The following ENTPD7 variants were observed in gnomAD, a reference collection of about 807,000 sequenced individuals.
The protein encoded by ENTPD7 is ectonucleoside triphosphate diphosphohydrolase 7, also known as NTPDase 7.
Under a neutral mutation model 77.9 loss-of-function variants are expected in ENTPD7, and 53 were observed. That is an observed-to-expected ratio of 0.68 (90% CI 0.55 to 0.85). The LOEUF is 0.85. ENTPD7 is among the 40% of genes least tolerant of loss of function. The pLI is 0.00. For synonymous variants in ENTPD7, 248 were observed against 274.9 expected (o/e 0.90, Z 0.97); for missense variants, 636 against 743.7 (o/e 0.86, Z 1.68).
At chr10:99,698,497 G>GTGTT (rs369470330) in intron 9 of ENTPD7, 37 bp from the exon 10 acceptor site, 112,854 of 1,562,710 alleles carry the variant, frequency 0.072, 4,070 homozygotes, top group Admixed American at 0.11. Context: ...CAGGCATGAC[G>GTGTT]TGTTTGTTTG....
In ENTPD7 at chr10:99,659,977, A is replaced by G. The variant is rs1421400282; in HGVS notation, c.8+13A>G. On this transcript the variant is annotated intron_variant, in intron 2 of 12. Coordinates refer to ENST00000370489, the MANE Select transcript of ENTPD7 (RefSeq NM_020354.5). This position sits in a 1 kb window ranked among gnomAD's most constrained non-coding sequence, Gnocchi z 4.1. ...AACCCATGGCTAGGTAAGGCTGCAC[A>G]CTTTCCCTCCGGCTGGGAGCACGGC... 2 of 1,613,834 alleles carry G rather than the reference A, an allele frequency of 1.2e-6. No individual in the cohort carries two copies. Among genetic ancestry groups the G allele is most frequent in the Non-Finnish European group, 8.5e-7 (1 of 1,179,936 alleles).
At chr10:99,690,506 C>T (rs1006815980) in intron 7 of ENTPD7, among the ~76,000 whole-genome samples, 1 of 151,732 alleles carries the variant, frequency 6.6e-6, no homozygotes. Context: ...AAGATATTGA[C>T]ATAAACATTT....
chr10:99,659,793 C>T lies in ENTPD7; in HGVS notation c.-95-69C>T. 1.1e-6 allele frequency: 1 copy of T among 898,326 alleles called. No individual in the cohort carries two copies. The highest frequency in any genetic ancestry group is 1.7e-6 in the Non-Finnish European group (1 of 589,052). 55.6% of individuals were successfully genotyped at this position (898,326 alleles called of 1,614,324 possible). A position where few individuals can be genotyped will look rare whatever the true frequency, so the allele number is the denominator to read the frequency against. ...GGGAGCCTGGGGAGGAGGTGGGAGC[C>T]GTGGAATTCCCGTGCAGGTTTGTCT... On this transcript the variant is annotated intron_variant, in intron 1 of 12. Transcript: ENST00000370489. This position sits in a 1 kb window ranked among gnomAD's most constrained non-coding sequence, Gnocchi z 4.1.
At chr10:99,669,990 C>T (rs2035601261) in intron 3 of ENTPD7, among the ~76,000 whole-genome samples, 1 of 151,966 alleles carries the variant, frequency 6.6e-6, no homozygotes, top group African/African-American at 2.4e-5. Context: ...ACCTCATGAT[C>T]CACCCGCCTC....
intron 5 of ENTPD7, among the ~76,000 whole-genome samples, chr10:99,680,248 C>G (rs1244139650): frequency 6.6e-6 from 1 of 152,188 alleles, no homozygotes; most frequent in Non-Finnish European, 1.5e-5. Flanking sequence ...AGAACCCTGG[C>G]AATAACTGGG....
intron 3 of ENTPD7, among the ~76,000 whole-genome samples, chr10:99,672,845 A>G (rs1409174734): frequency 1.3e-5 from 2 of 152,192 alleles, no homozygotes; most frequent in African/African-American, 4.8e-5. Flanking sequence ...CCCCATACTC[A>G]TGGGGGCTAC....
chr10:99,701,104 A>T, intron 11 of ENTPD7, 46 bp downstream of exon 11: 1 of 1,422,752 alleles, frequency 7.0e-7, no homozygotes, highest in Non-Finnish European at 9.9e-7. Context: ...TAAAATCTAG[A>T]TGGCAGATTA....
intron 2 of ENTPD7, chr10:99,660,534 A>G (rs200367050): frequency 0.08 from 18,724 of 232,628 alleles, 606 homozygotes; most frequent in Non-Finnish European, 0.098. Context: ...ACGCACACAC[A>G]CACACACACA....
intron 3 of ENTPD7, among the ~76,000 whole-genome samples, chr10:99,669,538 T>C (rs941716364): frequency 1.3e-5 from 2 of 151,958 alleles, no homozygotes; most frequent in Admixed American, 1.3e-4. Flanking sequence ...ATTTATTTGA[T>C]ACAAAAAAAG....
chr10:99,686,036 T>C, intron 6 of ENTPD7, 141 bp downstream of exon 6: 1 of 563,788 alleles, frequency 1.8e-6, no homozygotes, highest in Non-Finnish European at 3.1e-6. Flanking sequence ...ACATAGTTGA[T>C]TTGATTATTT....
chr10:99,690,221 G>A (rs764312841), intron 7 of ENTPD7, among the ~76,000 whole-genome samples: 31 of 152,086 alleles, frequency 2.0e-4, no homozygotes, highest in Non-Finnish European at 3.2e-4. Context: ...CCTGGCATTG[G>A]CCTGTTTTTA....
In ENTPD7 at chr10:99,708,275, T is replaced by C. The variant is rs548739978; in HGVS notation, c.*3592T>C. On this transcript the variant is annotated 3_prime_UTR_variant, in exon 13 of 13. Coordinates refer to ENST00000370489, the MANE Select transcript of ENTPD7 (RefSeq NM_020354.5). ...TAGTGTTTTTAGGCATTAACATTTATTATCACATCCATATTTATATTTTTG... is the reference window on the plus strand; with the variant it reads ...TAGTGTTTTTAGGCATTAACATTTACTATCACATCCATATTTATATTTTTG... Among the ~76,000 whole-genome samples the C allele has an allele frequency of 6.6e-6, 1 of 152,352 alleles. No individual in the cohort carries two copies. The highest frequency in any genetic ancestry group is 2.1e-4 in the South Asian group (1 of 4,830).
chr10:99,705,784 C>T lies in ENTPD7; in HGVS notation c.*1101C>T, dbSNP rs903453225. ...GGAATAGATCAATCTGTTAATAAGC[C>T]ATCTGGCAACTTTCAGAACCTCTAT... is the stretch of plus-strand genomic sequence containing the variant. On this transcript the variant is annotated 3_prime_UTR_variant, in exon 13 of 13. Transcript: ENST00000370489. 5 of 152,172 alleles carry T rather than the reference C, an allele frequency of 3.3e-5. No individual in the cohort carries two copies. Among genetic ancestry groups the T allele is most frequent in the African/African-American group, 4.8e-5 (2 of 41,436 alleles). The allele number at this position is 152,172 out of a possible 1,614,324, so 9.4% of individuals were successfully genotyped here. A position where few individuals can be genotyped will look rare whatever the true frequency, so the allele number is the denominator to read the frequency against.
chr10:99,684,971 A>C (rs2035794255), intron 5 of ENTPD7, among the ~76,000 whole-genome samples: 1 of 152,148 alleles, frequency 6.6e-6, no homozygotes. Flanking sequence ...TAAAAAGTTA[A>C]TTGTGGCTGG....
chr10:99,696,260 A>G (rs2035975914), intron 9 of ENTPD7, 138 bp downstream of exon 9: 2 of 1,014,708 alleles, frequency 2.0e-6, no homozygotes, highest in Admixed American at 5.5e-5. Flanking sequence ...ATGGGGTAGC[A>G]TCTCTTAAAG....
chr10:99,674,405 C>T (rs2035655419), intron 3 of ENTPD7, among the ~76,000 whole-genome samples: 2 of 152,160 alleles, frequency 1.3e-5, no homozygotes. Context: ...TGACACAGAT[C>T]TCCAGAATTT....
At position 99,710,914 on chromosome 10, in the gene ENTPD7, G is replaced by A; in HGVS notation, c.*6231G>A. Reference sequence around the variant, plus strand: ...ATTTCCTTCATGTTTTAAAAACAATGGACGTAAGTGCAGAGAGACCTTTGA... The same window carrying A: ...ATTTCCTTCATGTTTTAAAAACAATAGACGTAAGTGCAGAGAGACCTTTGA... On this transcript the variant is annotated 3_prime_UTR_variant, in exon 13 of 13. Transcript: ENST00000370489. The A allele has an allele frequency of 1.0e-6, 1 of 985,248 alleles. No individual in the cohort carries two copies. The highest frequency in any genetic ancestry group is 1.2e-6 in the Non-Finnish European group (1 of 829,786). The allele number at this position is 985,248 out of a possible 1,614,324, so 61.0% of individuals were successfully genotyped here.
At chr10:99,686,068 G>C (rs2035807682) in intron 6 of ENTPD7, among the ~76,000 whole-genome samples, 173 bp downstream of exon 6, 1 of 151,980 alleles carries the variant, frequency 6.6e-6, no homozygotes, top group African/African-American at 2.4e-5. Flanking sequence ...ATTGGCATCT[G>C]TTTAGAATGC....
intron 5 of ENTPD7, among the ~76,000 whole-genome samples, chr10:99,683,538 C>T (rs2035778251): frequency 6.6e-6 from 1 of 152,152 alleles, no homozygotes; most frequent in African/African-American, 2.4e-5. Flanking sequence ...AGTAAATCCC[C>T]ATTTACCCAC....
Sources: allele counts gnomAD v4.1 joint callset (sites outside exome capture counted in the v4.1 genomes callset), GRCh38; gene constraint gnomAD v4.1.1; non-coding constraint Gnocchi (gnomAD v3.1); transcripts MANE v1.5; gene names NCBI Gene and HGNC (gene_info 2026-07-23, HGNC 2026-07-21).